MRE11: variants seen among roughly 807,000 people sequenced by gnomAD.
MRE11 encodes the protein MRE11 double strand break repair nuclease.
Under a neutral mutation model 91.7 loss-of-function variants are expected in MRE11, and 62 were observed. The ratio of observed to expected loss-of-function variants is 0.68; its 90% CI spans 0.55 to 0.84. MRE11 has a LOEUF of 0.84. Among genes scored for constraint, MRE11 ranks in the 40% least tolerant of loss-of-function variants. The pLI, the probability that MRE11 is intolerant of heterozygous loss-of-function variation, is 0.00. For synonymous variants in MRE11, 273 were observed against 271.4 expected, an observed-to-expected ratio of 1.01 and a Z score of -0.06; for missense variants, 796 against 852.9, an observed-to-expected ratio of 0.93 and a Z score of 0.83.
rs78503984 is a variant in MRE11, at chr11:94,477,506, C to T, written c.545-1103G>A. Among the ~76,000 whole-genome samples, 533 of 152,134 alleles carry T rather than the reference C, an allele frequency of 3.5e-3. 5 individuals are homozygous for T. Among genetic ancestry groups the T allele is most frequent in the African/African-American group, 0.012 (507 of 41,516 alleles). On this transcript the variant is annotated intron_variant, in intron 6 of 19. Coordinates refer to ENST00000323929, the MANE Select transcript of MRE11 (RefSeq NM_005591.4). ...GTGGACAACACTGCTACTTTATATA[C>T]GGATTAGAGAGGGTCTCAGAAGAAA...
chr11:94,443,859 A>G (rs1209955209), intron 16 of MRE11, among the ~76,000 whole-genome samples: 1 of 151,976 alleles, frequency 6.6e-6, no homozygotes, highest in Non-Finnish European at 1.5e-5. Context: ...AACATAATCT[A>G]CATAAAGATC....
the MRE11 span, among the ~76,000 whole-genome samples, chr11:94,509,631 C>T: frequency 5.8e-4 from 88 of 152,066 alleles, no homozygotes; most frequent in African/African-American, 1.8e-3. Context: ...TTAGTAGAGA[C>T]GGGTTTTCAC....
chr11:94,474,059 T>C (rs1195121785), intron 7 of MRE11, among the ~76,000 whole-genome samples: 2 of 152,110 alleles, frequency 1.3e-5, no homozygotes, highest in Non-Finnish European at 2.9e-5. Flanking sequence ...ATATATCTAT[T>C]CCCATAACTC....
upstream of MRE11, among the ~76,000 whole-genome samples, chr11:94,494,932 A>G (rs1947388871): frequency 6.6e-6 from 1 of 152,210 alleles, no homozygotes; most frequent in South Asian, 2.1e-4. Flanking sequence ...TTCAGGAATT[A>G]GTTTGAGAAT....
upstream of MRE11, chr11:94,498,549 C>T (rs977952872): frequency 1.9e-6 from 3 of 1,587,210 alleles, no homozygotes; most frequent in African/African-American, 2.7e-5. Flanking sequence ...TAGTAATTTT[C>T]CTAAGTTTCT....
At chr11:94,464,915 C>G (rs937850817) in intron 10 of MRE11, among the ~76,000 whole-genome samples, 7 of 152,226 alleles carry the variant, frequency 4.6e-5, no homozygotes, top group African/African-American at 1.7e-4. Context: ...TGCACCACCT[C>G]ACAGCTTATC....
At chr11:94,485,509 C>CA (rs1012111969) in intron 4 of MRE11, among the ~76,000 whole-genome samples, 167 of 120,300 alleles carry the variant, frequency 1.4e-3, no homozygotes, top group African/African-American at 4.1e-3. Context: ...GAAAAACAAA[C>CA]AAAAAAATCT....
chr11:94,435,574 TAAAA>T (rs1945583846), intron 18 of MRE11, among the ~76,000 whole-genome samples: 1 of 151,730 alleles, frequency 6.6e-6, no homozygotes, highest in Non-Finnish European at 1.5e-5. Context: ...AATAAATAAA[TAAAA>T]AGAAAGAAAA....
At position 94,447,456 on chromosome 11, in the gene MRE11, G is replaced by C; in HGVS notation, c.1564-18C>G. On this transcript the variant is annotated intron_variant, in intron 14 of 19. Coordinates refer to ENST00000323929, the MANE Select transcript of MRE11 (RefSeq NM_005591.4). ...GTCATAGCCTAAGAGGGAGAAGAAG[G>C]AGAAAGTACACACAATGAGATAACG... is the stretch of plus-strand genomic sequence containing the variant. 6.2e-7 allele frequency: 1 copy of C among 1,609,010 alleles called. No homozygotes were observed. Among genetic ancestry groups the C allele is most frequent in the South Asian group, 1.1e-5 (1 of 90,956 alleles).
chr11:94,459,604 T>C, intron 12 of MRE11, 23 bp from the exon 13 acceptor site: 1 of 1,610,262 alleles, frequency 6.2e-7, no homozygotes, highest in Non-Finnish European at 8.5e-7. Flanking sequence ...AATCACTGGA[T>C]GCAGAAATAG....
upstream of MRE11, chr11:94,498,076 C>T: frequency 6.3e-7 from 1 of 1,596,252 alleles, no homozygotes; most frequent in South Asian, 1.1e-5. Flanking sequence ...CTCAGCTTAC[C>T]ACAGTGCGGA....
At chr11:94,508,174 T>C in the MRE11 span, among the ~76,000 whole-genome samples, 2 of 152,112 alleles carry the variant, frequency 1.3e-5, no homozygotes, top group African/African-American at 4.8e-5. Context: ...CTCAGACTCC[T>C]GGGCTCAAGC....
chr11:94,511,247 C>T, the MRE11 span, among the ~76,000 whole-genome samples: 1 of 152,186 alleles, frequency 6.6e-6, no homozygotes, highest in Non-Finnish European at 1.5e-5. Context: ...AGAGCGATCT[C>T]CTGCTTTTGC....
upstream of MRE11, chr11:94,496,940 GA>G: frequency 6.2e-7 from 1 of 1,612,964 alleles, no homozygotes; most frequent in East Asian, 2.2e-5. Flanking sequence ...TTGGGCTGCT[GA>G]AAAAAATCGG....
At chr11:94,432,937 A>C (rs577659292) in intron 18 of MRE11, among the ~76,000 whole-genome samples, 63 of 152,378 alleles carry the variant, frequency 4.1e-4, no homozygotes, top group Non-Finnish European at 8.2e-4. Context: ...TCACATCTAA[A>C]GTGGAACTTT....
intron 9 of MRE11, among the ~76,000 whole-genome samples, chr11:94,469,272 C>T (rs950153394): frequency 3.9e-5 from 6 of 152,098 alleles, no homozygotes; most frequent in African/African-American, 1.4e-4. Flanking sequence ...GGTCTGTAAA[C>T]ATTTTTGATC....
chr11:94,481,292 A>G (rs1170902835), intron 4 of MRE11, among the ~76,000 whole-genome samples: 1 of 152,120 alleles, frequency 6.6e-6, no homozygotes, highest in African/African-American at 2.4e-5. Flanking sequence ...CTGGGCGACA[A>G]AGCAAGACTC....
At position 94,476,303 on chromosome 11, in the gene MRE11, C is replaced by T. The variant is rs786203414; in HGVS notation, c.645G>A (p.Val215=). The T allele has an allele frequency of 6.2e-7, 1 of 1,611,286 alleles. No homozygotes were observed. The highest frequency in any genetic ancestry group is 8.5e-7 in the Non-Finnish European group (1 of 1,177,620). Residue 215 remains valine (V), a synonymous_variant, in exon 7 of 20, where the codon GTG becomes GTA. Transcript: ENST00000323929. ...EDENSWFNLF[V]IHQNRSKHGS... ...AAAAGTTTTACCTGTTCTGATGAAT[C>T]ACAAATAAGTTAAACCAAGAGTTCT...
intron 4 of MRE11, among the ~76,000 whole-genome samples, chr11:94,480,676 T>G (rs1350234134): frequency 2.0e-5 from 3 of 152,036 alleles, no homozygotes; most frequent in East Asian, 1.9e-4. Flanking sequence ...CCATAGAGAT[T>G]TACACATAAT....
Sources: gnomAD v4.1 joint callset for allele counts (sites outside exome capture counted in the v4.1 genomes callset) on GRCh38, gnomAD v4.1.1 for gene constraint, MANE v1.5 for transcripts, NCBI Gene and HGNC (gene_info 2026-07-23, HGNC 2026-07-21) for gene names.